PDE5A: variants seen among roughly 807,000 people sequenced by gnomAD.
PDE5A encodes the protein phosphodiesterase 5A.
A neutral mutation model predicts 110.2 loss-of-function variants in PDE5A; 67 were observed. That is an observed-to-expected ratio of 0.61 (90% CI 0.50 to 0.75). The LOEUF (loss-of-function observed/expected upper bound fraction) is 0.75, where lower values mean the gene tolerates loss of function less well. Ranked by LOEUF, PDE5A falls within the 30% of genes least tolerant of loss-of-function variation. The pLI is 0.00. For synonymous variants in PDE5A, 328 were observed against 351.2 expected (o/e 0.93, Z 0.74); for missense variants, 862 against 1,045.1 (o/e 0.82, Z 2.42).
intron 3 of PDE5A, among the ~76,000 whole-genome samples, chr4:119,582,173 G>T (rs1390040628): frequency 6.6e-6 from 1 of 152,132 alleles, no homozygotes; most frequent in Non-Finnish European, 1.5e-5. Context: ...TCTTTTCAAG[G>T]CGTGCCACTG....
At chr4:119,575,020 C>G (rs538428440) in intron 3 of PDE5A, among the ~76,000 whole-genome samples, 1 of 152,016 alleles carries the variant, frequency 6.6e-6, no homozygotes, top group Non-Finnish European at 1.5e-5. Context: ...AACCAAGGCA[C>G]GAGAACTACG....
intron 3 of PDE5A, among the ~76,000 whole-genome samples, chr4:119,586,948 G>T (rs1336360098): frequency 6.6e-6 from 1 of 152,006 alleles, no homozygotes; most frequent in East Asian, 1.9e-4. Context: ...TTTTCTTCTT[G>T]ATCAGTAATG....
chr4:119,505,813 T>G (rs764362268), intron 17 of PDE5A, 42 bp downstream of exon 17: 1 of 1,122,696 alleles, frequency 8.9e-7, no homozygotes, highest in Admixed American at 2.5e-5. Context: ...GAAAATTAAC[T>G]GGGTAAAAAA....
chr4:119,502,725 GA>G, intron 18 of PDE5A, 70 bp from the exon 19 acceptor site: 1 of 993,888 alleles, frequency 1.0e-6, no homozygotes. Context: ...GACCGTGAAT[GA>G]AGGCCCTGTT....
rs532829954 is a variant in PDE5A, at chr4:119,525,234, C to G, written c.1779+315G>C. 2.6e-5 allele frequency among the ~76,000 whole-genome samples: 4 copies of G among 152,136 alleles called. No homozygotes were observed. The highest frequency in any genetic ancestry group is 9.6e-5 in the African/African-American group (4 of 41,534). ...TTCTTCCATTGCTTCTCTTGCCATTCTTACCCCTCAACAGTACTCCTGGCC... is the reference window on the plus strand; with the variant it reads ...TTCTTCCATTGCTTCTCTTGCCATTGTTACCCCTCAACAGTACTCCTGGCC... On this transcript the variant is annotated intron_variant, in intron 12 of 20. Transcript: ENST00000354960. This position sits in a 1 kb window ranked among gnomAD's most constrained non-coding sequence, Gnocchi z 4.3.
intron 1 of PDE5A, among the ~76,000 whole-genome samples, chr4:119,623,516 G>T (rs534027598): frequency 5.3e-4 from 81 of 152,270 alleles, no homozygotes; most frequent in African/African-American, 1.9e-3. Context: ...AAATCTAGAG[G>T]AAGGGGTGCC....
chr4:119,613,832 A>G (rs542923267), intron 1 of PDE5A, among the ~76,000 whole-genome samples: 1 of 152,138 alleles, frequency 6.6e-6, no homozygotes, highest in East Asian at 1.9e-4. Context: ...ATATGAAGCT[A>G]ATTAAATGTC....
At chr4:119,626,916 G>GA (rs926138636) in intron 1 of PDE5A, among the ~76,000 whole-genome samples, 11 of 132,868 alleles carry the variant, frequency 8.3e-5, no homozygotes, top group Non-Finnish European at 1.8e-4. Flanking sequence ...TGTTCCTTAG[G>GA]AAAAAAACAA....
intron 18 of PDE5A, among the ~76,000 whole-genome samples, chr4:119,503,352 G>C (rs142601992): frequency 0.011 from 1,600 of 152,162 alleles, 21 homozygotes; most frequent in African/African-American, 0.036. Flanking sequence ...TATTGCCTCT[G>C]CAAAACATTA....
rs767727569 is a variant in PDE5A at position 119,538,963 on chromosome 4, T to C, written c.1629A>G (p.Leu543=). 2.5e-6 allele frequency: 4 copies of C among 1,610,596 alleles called. No individual in the cohort carries two copies. Among genetic ancestry groups the C allele is most frequent in the Non-Finnish European group, 3.4e-6 (4 of 1,176,974 alleles). Residue 543 remains leucine (L), a synonymous_variant, in exon 11 of 21, where the codon TTA becomes TTG. Coordinates refer to ENST00000354960, the MANE Select transcript of PDE5A (RefSeq NM_001083.4). ...AEEETRELQS[L]AAAVVPSAQT... ...TAAAAAGAAAGAGGATAATTACCGC[T>C]AACGACTGTAGCTCTCTTGTTTCTT...
At chr4:119,568,142 CTTT>C (rs143090270) in intron 3 of PDE5A, among the ~76,000 whole-genome samples, 3 of 147,500 alleles carry the variant, frequency 2.0e-5, no homozygotes, top group Non-Finnish European at 4.5e-5. Flanking sequence ...CTCTCTCTCT[CTTT>C]TTTTTTTGCC....
rs1727697301 is a variant in PDE5A at position 119,560,179 on chromosome 4, C to T, written c.1199+117G>A. 6 of 617,784 alleles carry T rather than the reference C, an allele frequency of 9.7e-6. No individual in the cohort carries two copies. The South Asian group carries it at 1.4e-4, about 14-fold the overall frequency. The allele number at this position is 617,784 out of a possible 1,614,324, so 38.3% of individuals were successfully genotyped here. ...TTAGGACCGTAAATGTGAGAAAAGA[C>T]AAGAGACAATAAAATAATCTGTAGC... On this transcript the variant is annotated intron_variant, in intron 7 of 20. Transcript: ENST00000354960.
chr4:119,545,468 C>A (rs866088937), intron 9 of PDE5A, among the ~76,000 whole-genome samples: 3 of 152,180 alleles, frequency 2.0e-5, no homozygotes, highest in African/African-American at 7.2e-5. Context: ...TCAGCAAAAA[C>A]CCATTAATAA....
At chr4:119,587,773 C>T (rs1437548446) in intron 3 of PDE5A, among the ~76,000 whole-genome samples, 1 of 152,198 alleles carries the variant, frequency 6.6e-6, no homozygotes, top group Non-Finnish European at 1.5e-5. Context: ...TTAAACTCTG[C>T]TTATTTTTGC....
At chr4:119,517,025 T>C (rs1725933418) in intron 14 of PDE5A, 1 of 152,200 alleles carries the variant, frequency 6.6e-6, no homozygotes, top group Admixed American at 6.5e-5. Flanking sequence ...ACGAGGGTAG[T>C]TTCCTAATCA....
chr4:119,588,375 C>T (rs529658046), intron 3 of PDE5A, among the ~76,000 whole-genome samples: 4 of 151,924 alleles, frequency 2.6e-5, no homozygotes, highest in East Asian at 3.9e-4. Flanking sequence ...ACAGGTTTCA[C>T]CATGTTGGCC....
intron 3 of PDE5A, among the ~76,000 whole-genome samples, chr4:119,579,729 T>C (rs570746570): frequency 1.3e-5 from 2 of 151,850 alleles, no homozygotes; most frequent in Non-Finnish European, 2.9e-5. Flanking sequence ...TTTGGAGATA[T>C]ACCTAATGTT....
At chr4:119,574,179 C>CTTTTTTTTTTTT (rs70944893) in intron 3 of PDE5A, among the ~76,000 whole-genome samples, 2 of 89,176 alleles carry the variant, frequency 2.2e-5, no homozygotes, top group Non-Finnish European at 1.9e-5. Context: ...AAAATATAGG[C>CTTTTTTTTTTTT]TTTTTTTTTT....
chr4:119,506,164 C>T (rs1043594288), intron 16 of PDE5A, among the ~76,000 whole-genome samples: 3 of 151,710 alleles, frequency 2.0e-5, no homozygotes, highest in Admixed American at 1.3e-4. Context: ...AACTATAGAT[C>T]ACAAATTATG....
Sources: gnomAD v4.1 joint callset for allele counts (sites outside exome capture counted in the v4.1 genomes callset) on GRCh38, gnomAD v4.1.1 for gene constraint, Gnocchi (gnomAD v3.1) non-coding constraint, MANE v1.5 for transcripts, NCBI Gene and HGNC (gene_info 2026-07-23, HGNC 2026-07-21) for gene names.